XG: variants seen among roughly 807,000 people sequenced by gnomAD.
The protein encoded by XG is Xg glycoprotein (Xg blood group).
Under a neutral mutation model 25.7 loss-of-function variants are expected in XG, and 24 were observed. That is an observed-to-expected ratio of 0.93 (90% CI 0.68 to 1.31). The LOEUF is 1.31. Among genes scored for constraint, XG ranks in the 40% most tolerant of loss-of-function variants. The probability of loss-of-function intolerance (pLI) is 0.00; values close to 1 mark genes in which losing one functional copy is unlikely to be tolerated. For missense variants in XG, 181 were observed against 187.6 expected (o/e 0.96, Z 0.21); for synonymous variants, 77 against 69.2 (o/e 1.11, Z -0.56).
chrX:2,810,053 C>A (rs1229637080), intron 9 of XG, among the ~76,000 whole-genome samples: 4 of 111,915 alleles, frequency 3.6e-5, no homozygotes, highest in Non-Finnish European at 7.5e-5. Flanking sequence ...AGAGGGCTGT[C>A]TCTCCCAGGA....
intron 1 of XG, among the ~76,000 whole-genome samples, chrX:2,767,964 C>T (rs181839617): frequency 0.017 from 2,566 of 152,232 alleles, 25 homozygotes; most frequent in East Asian, 5.8e-3. Flanking sequence ...GTGACCCTCC[C>T]CACCCCCAAT....
chrX:2,779,681 CTG>C (rs1369869475), intron 3 of XG, among the ~76,000 whole-genome samples: 1 of 152,150 alleles, frequency 6.6e-6, no homozygotes, highest in African/African-American at 2.4e-5. Flanking sequence ...GAATCTCACT[CTG>C]TTGCCCAGGC....
chrX:2,761,221 A>G (rs986502801), intron 1 of XG, among the ~76,000 whole-genome samples: 10 of 152,216 alleles, frequency 6.6e-5, no homozygotes, highest in African/African-American at 1.7e-4. Context: ...CCCTGATCCA[A>G]TAGGACTGGG....
rs998790446 is a variant in XG at position 2,816,406 on chromosome X, G to A, written c.*2026G>A. The stretch of plus-strand genomic sequence containing the variant: ...TTCTGGCTCTGCCATTACTGAGACA[G>A]CAGGACCAACCCTCCATCTACTCAA... On this transcript the variant is annotated 3_prime_UTR_variant, in exon 11 of 11. Coordinates refer to ENST00000644266, the MANE Select transcript of XG (RefSeq NM_001141919.2). 30 of 112,046 alleles carry A rather than the reference G, an allele frequency of 2.7e-4. No homozygotes were observed. Among genetic ancestry groups the A allele is most frequent in the African/African-American group, 9.4e-4 (29 of 30,836 alleles). 9.2% of individuals were successfully genotyped at this position (112,046 alleles called of 1,213,427 possible).
At chrX:2,754,626 G>A (rs2050396963) in intron 1 of XG, among the ~76,000 whole-genome samples, 1 of 152,138 alleles carries the variant, frequency 6.6e-6, no homozygotes, top group Non-Finnish European at 1.5e-5. Context: ...TCCCACAACA[G>A]GCCGTCTGCA....
At chrX:2,777,418 A>C (rs1181089070) in intron 3 of XG, among the ~76,000 whole-genome samples, 1 of 152,052 alleles carries the variant, frequency 6.6e-6, no homozygotes, top group Non-Finnish European at 1.5e-5. Context: ...TACAAAAAAA[A>C]TGAAGAGTAA....
intron 6 of XG, among the ~76,000 whole-genome samples, chrX:2,796,884 G>A (rs183032583): frequency 8.9e-6 from 1 of 112,051 alleles, no homozygotes; most frequent in East Asian, 2.8e-4. Context: ...ATAACAATCA[G>A]GAATAAACTA....
At chrX:2,777,066 C>G (rs1485429078) in intron 3 of XG, among the ~76,000 whole-genome samples, 1 of 152,164 alleles carries the variant, frequency 6.6e-6, no homozygotes, top group Admixed American at 6.5e-5. Context: ...GAAAAATCTT[C>G]CAAATGATGC....
At chrX:2,762,114 C>T (rs973835319) in intron 1 of XG, among the ~76,000 whole-genome samples, 2 of 152,172 alleles carry the variant, frequency 1.3e-5, no homozygotes, top group African/African-American at 4.8e-5. Context: ...TTATAACACA[C>T]CGTCAACCAG....
chrX:2,801,556 C>T (rs1303303558), intron 7 of XG, among the ~76,000 whole-genome samples: 1 of 110,802 alleles, frequency 9.0e-6, no homozygotes, highest in Non-Finnish European at 1.9e-5. Flanking sequence ...TGGTCAGTGC[C>T]ATCTTGTCTG....
Position 2,816,124 on chromosome X carries a change from C to T in XG, c.*1744C>T. The T allele has an allele frequency of 8.9e-6, 1 of 111,784 alleles. No individual in the cohort carries two copies. The highest frequency in any genetic ancestry group is 1.9e-5 in the Non-Finnish European group (1 of 53,151). 9.2% of individuals were successfully genotyped at this position (111,784 alleles called of 1,213,427 possible). On this transcript the variant is annotated 3_prime_UTR_variant, in exon 11 of 11. Coordinates refer to ENST00000644266, the MANE Select transcript of XG (RefSeq NM_001141919.2). Reference sequence around the variant, plus strand: ...CATGAGACTAAATTCACCTGGGTGACAAGGCTAACGTTCAAGCTACTTAAG... The same window carrying T: ...CATGAGACTAAATTCACCTGGGTGATAAGGCTAACGTTCAAGCTACTTAAG...
chrX:2,785,453 TA>T (rs200718557), intron 4 of XG, among the ~76,000 whole-genome samples: 3 of 92,828 alleles, frequency 3.2e-5, no homozygotes, highest in Non-Finnish European at 6.6e-5. Flanking sequence ...TTAAAAAACT[TA>T]AAAAAATTTT....
At chrX:2,781,565 T>G (rs2086728741) in intron 3 of XG, among the ~76,000 whole-genome samples, 1 of 112,454 alleles carries the variant, frequency 8.9e-6, no homozygotes, top group Admixed American at 9.4e-5. Context: ...AATTTTGAGT[T>G]AGTCTGGTGA....
intron 1 of XG, among the ~76,000 whole-genome samples, chrX:2,763,174 G>T (rs180836387): frequency 2.7e-5 from 4 of 150,334 alleles, no homozygotes; most frequent in Non-Finnish European, 3.0e-5. Context: ...ACACCACCAC[G>T]CCCACATTTT....
At chrX:2,790,731 C>T (rs1413679538) in intron 5 of XG, among the ~76,000 whole-genome samples, 4 of 111,164 alleles carry the variant, frequency 3.6e-5, no homozygotes, top group Non-Finnish European at 7.6e-5. Context: ...ACCCAGGAGG[C>T]GGAGGTTGCC....
chrX:2,804,521 G>A (rs1230913548), intron 7 of XG, among the ~76,000 whole-genome samples: 1 of 111,460 alleles, frequency 9.0e-6, no homozygotes, highest in Non-Finnish European at 1.9e-5. Context: ...GGCCCACCTT[G>A]GAGCGTGTTA....
chrX:2,752,872 T>C, intron 1 of XG: 3 of 965,896 alleles, frequency 3.1e-6, no homozygotes, highest in Non-Finnish European at 3.7e-6. Context: ...ATTGTTCACA[T>C]CAAAAACTTC....
At chrX:2,760,523 CAGG>C (rs201542283) in intron 1 of XG, among the ~76,000 whole-genome samples, 1,500 of 149,178 alleles carry the variant, frequency 0.01, 22 homozygotes, top group African/African-American at 0.035. Context: ...ATCATGAGGT[CAGG>C]AGATGGAGAT....
chrX:2,776,326 T>C (rs2050989218), intron 3 of XG, among the ~76,000 whole-genome samples: 1 of 152,196 alleles, frequency 6.6e-6, no homozygotes, highest in Non-Finnish European at 1.5e-5. Flanking sequence ...GATAAATGGT[T>C]GCAGGAAAGT....
Sources: allele counts gnomAD v4.1 joint callset (sites outside exome capture counted in the v4.1 genomes callset), GRCh38; gene constraint gnomAD v4.1.1; transcripts MANE v1.5; gene names NCBI Gene and HGNC (gene_info 2026-07-23, HGNC 2026-07-21).